The following NOL8 variants were observed in gnomAD, a reference collection of about 807,000 sequenced individuals.
NOL8 encodes the protein nucleolar protein 8, also known as nucleolar protein Nop132.
In NOL8, 93 loss-of-function variants were observed where a neutral mutation model predicts 116.1. The ratio of observed to expected loss-of-function variants is 0.80; its 90% CI spans 0.68 to 0.95. NOL8 has a LOEUF of 0.95. Among genes scored for constraint, NOL8 ranks in the 40% least tolerant of loss-of-function variants. NOL8 has a pLI of 0.00. For synonymous variants in NOL8, 419 were observed against 469.0 expected, an observed-to-expected ratio of 0.89 and a Z score of 1.38; for missense variants, 1,291 against 1,382.8, an observed-to-expected ratio of 0.93 and a Z score of 1.05.
At chr9:92,302,452 T>C (rs867446652) in intron 12 of NOL8, among the ~76,000 whole-genome samples, 3 of 152,232 alleles carry the variant, frequency 2.0e-5, no homozygotes, top group South Asian at 2.1e-4. Flanking sequence ...AAGTTTGTAA[T>C]GTACTACGTA....
intron 7 of NOL8, among the ~76,000 whole-genome samples, chr9:92,311,960 C>G (rs1054265167): frequency 6.6e-6 from 1 of 152,170 alleles, no homozygotes; most frequent in Non-Finnish European, 1.5e-5. Context: ...AGATGCCCAT[C>G]AATGGTGGAC....
chr9:92,314,959 A>AG lies in NOL8; in HGVS notation c.1665dup (p.Cys556LeufsTer26). 6.2e-7 allele frequency: 1 copy of AG among 1,613,986 alleles called. No individual in the cohort carries two copies. The highest frequency in any genetic ancestry group is 8.5e-7 in the Non-Finnish European group (1 of 1,179,880). ...TTTTCCTTTGGTTTCTGTTTGCCACAGGTGTTCTCCTCTCCTTCTAACAGG... is the reference window on the plus strand; with the variant it reads ...TTTTCCTTTGGTTTCTGTTTGCCACAGGGTGTTCTCCTCTCCTTCTAACAGG... On this transcript the variant is annotated frameshift_variant, in exon 7 of 17. Coordinates refer to ENST00000442668, the MANE Select transcript of NOL8 (RefSeq NM_017948.6). LOFTEE classifies it high-confidence loss of function.
In NOL8 at chr9:92,318,882, T is replaced by C. The variant is rs1218201449; in HGVS notation, c.418-196A>G. The stretch of plus-strand genomic sequence containing the variant: ...AAAAAAAAGGAAGATTTGGAGCAGC[T>C]ATCAATCCCAAGTAAACCGTGTAAG... On this transcript the variant is annotated intron_variant, in intron 5 of 16. Transcript: ENST00000442668. 20 of 555,714 alleles carry C rather than the reference T, an allele frequency of 3.6e-5. No individual in the cohort carries two copies. The Admixed American group carries it at 7.5e-4, about 21-fold the overall frequency. 34.4% of individuals were successfully genotyped at this position (555,714 alleles called of 1,614,324 possible). A position where few individuals can be genotyped will look rare whatever the true frequency, so the allele number is the denominator to read the frequency against.
intron 10 of NOL8, among the ~76,000 whole-genome samples, chr9:92,308,442 A>C (rs59203890): frequency 0.031 from 4,656 of 152,312 alleles, 255 homozygotes; most frequent in African/African-American, 0.11. Flanking sequence ...CCATCAACGC[A>C]GAAAGGTTAA....
rs1381915412 is a variant in NOL8, at chr9:92,315,278, A to G, written c.1347T>C (p.Ser449=). The G allele has an allele frequency of 6.2e-7, 1 of 1,613,974 alleles. No homozygotes were observed. The highest frequency in any genetic ancestry group is 1.7e-5 in the Admixed American group (1 of 60,022). ...SHGLKSLNRK[S]PSHSSSSEDA... ...CTTCACTGCTACTGGAGTGAGAGGG[A>G]GATTTACGATTAAGAGACTTTAATC... is the stretch of plus-strand genomic sequence containing the variant. Residue 449 remains serine, a synonymous_variant, in exon 7 of 17, where the codon TCT becomes TCC. Coordinates refer to ENST00000442668, the MANE Select transcript of NOL8 (RefSeq NM_017948.6).
chr9:92,315,938 G>A lies in NOL8; in HGVS notation c.687C>T (p.Ser229=), dbSNP rs1414837232. ...TTGTACTCATGGCCAGAGACCCAGT[G>A]GAACTCTCATCCTTCTGCACTTTTA... is the stretch of plus-strand genomic sequence containing the variant. ...KIIKVQKDES[S]TGSLAMSTRP... The change falls in exon 7 of 17, where the codon TCC becomes TCT. Residue 229 remains serine (S), a synonymous_variant. Coordinates refer to ENST00000442668, the MANE Select transcript of NOL8 (RefSeq NM_017948.6). 1.2e-6 allele frequency: 2 copies of A among 1,613,752 alleles called. No individual in the cohort carries two copies. The highest frequency in any genetic ancestry group is 1.7e-6 in the Non-Finnish European group (2 of 1,179,884).
chr9:92,311,622 G>C (rs976560889), intron 7 of NOL8, among the ~76,000 whole-genome samples: 4 of 152,168 alleles, frequency 2.6e-5, no homozygotes, highest in African/African-American at 9.7e-5. Flanking sequence ...CTGATCATTA[G>C]AGGAATGCAA....
chr9:92,306,797 A>G (rs982591011), intron 11 of NOL8, 89 bp downstream of exon 11: 3 of 1,315,834 alleles, frequency 2.3e-6, no homozygotes, highest in Non-Finnish European at 2.1e-6. Flanking sequence ...TCCCCAGGCC[A>G]TTAAAAGAGA....
At chr9:92,313,363 G>C (rs141494074) in intron 7 of NOL8, among the ~76,000 whole-genome samples, 1 of 152,270 alleles carries the variant, frequency 6.6e-6, no homozygotes, top group Non-Finnish European at 1.5e-5. Flanking sequence ...AAAGGCCAGA[G>C]TAAATATGTT....
At chr9:92,314,178 A>G in intron 7 of NOL8, 89 bp downstream of exon 7, 1 of 1,424,258 alleles carries the variant, frequency 7.0e-7, no homozygotes, top group Non-Finnish European at 9.2e-7. Flanking sequence ...CAAGACAATC[A>G]GCTCTATGGG....
In NOL8 at chr9:92,315,080, G is replaced by T. The variant is rs780285323; in HGVS notation, c.1545C>A (p.Thr515=). Reference sequence around the variant, plus strand: ...TGGAGCCTCTGTCAAACTTGCATTGGGTGGTGGTTTCTGGTCCATCACTCT... The same window carrying T: ...TGGAGCCTCTGTCAAACTTGCATTGTGTGGTGGTTTCTGGTCCATCACTCT... ...DTKSDGPETT[T]QCKFDRGSKS... is the part of the protein sequence containing the mutation. Residue 515 remains threonine, a synonymous_variant, in exon 7 of 17, where the codon ACC becomes ACA. Coordinates refer to ENST00000442668, the MANE Select transcript of NOL8 (RefSeq NM_017948.6). 3 of 1,613,908 alleles carry T rather than the reference G, an allele frequency of 1.9e-6. No homozygotes were observed. Among genetic ancestry groups the T allele is most frequent in the African/African-American group, 1.3e-5 (1 of 74,924 alleles).
rs1840227934 is a variant in NOL8, at chr9:92,324,218, A to C, written c.-48-9T>G. 1 of 1,549,502 alleles carries C rather than the reference A, an allele frequency of 6.5e-7. No individual in the cohort carries two copies. Among genetic ancestry groups the C allele is most frequent in the African/African-American group, 1.4e-5 (1 of 72,814 alleles). ...GTGGGAAAAGTAATTTTCTGTATAC[A>C]GAGAAGAGTTCTTTCCCTTAGTTCT... On this transcript the variant is annotated splice_polypyrimidine_tract_variant and intron_variant, in intron 1 of 16. Transcript: ENST00000442668.
At chr9:92,297,917 A>G in intron 16 of NOL8, 31 bp from the exon 17 acceptor site, 1 of 1,523,632 alleles carries the variant, frequency 6.6e-7, no homozygotes, top group Non-Finnish European at 8.9e-7. Flanking sequence ...GGTTAGCAAT[A>G]AACAAATTGT....
intron 16 of NOL8, 64 bp downstream of exon 16, chr9:92,298,193 G>T: frequency 1.6e-6 from 2 of 1,246,700 alleles, no homozygotes; most frequent in South Asian, 1.3e-5. Flanking sequence ...TCCCTTCCAG[G>T]ACTGTAATTC....
chr9:92,316,169 A>T (rs1839391230), intron 6 of NOL8, 31 bp from the exon 7 acceptor site: 1 of 1,576,714 alleles, frequency 6.3e-7, no homozygotes, highest in Non-Finnish European at 8.6e-7. Flanking sequence ...AAACTAAAGC[A>T]CTTGGTTTTA....
At chr9:92,324,284 G>T in intron 1 of NOL8, 75 bp from the exon 2 acceptor site, 2 of 1,127,248 alleles carry the variant, frequency 1.8e-6, no homozygotes, top group Non-Finnish European at 2.5e-6. Flanking sequence ...TGAACCTTCT[G>T]TATCAAATCC....
intron 6 of NOL8, among the ~76,000 whole-genome samples, chr9:92,317,392 C>T (rs1839507235): frequency 6.6e-6 from 1 of 152,216 alleles, no homozygotes; most frequent in Admixed American, 6.5e-5. Context: ...CAGCAGCTGC[C>T]ATTGGTGGAA....
intron 8 of NOL8, 102 bp downstream of exon 8, chr9:92,311,044 A>C (rs976136891): frequency 1.1e-6 from 1 of 908,196 alleles, no homozygotes; most frequent in Non-Finnish European, 1.7e-6. Context: ...CCTGGGTCTC[A>C]TTGGGGCTCT....
chr9:92,298,951 T>G lies in NOL8; in HGVS notation c.3306A>C (p.Glu1102Asp). 1.3e-6 allele frequency: 2 copies of G among 1,516,080 alleles called. No homozygotes were observed. Among genetic ancestry groups the G allele is most frequent in the Non-Finnish European group, 1.8e-6 (2 of 1,125,378 alleles). The allele number at this position is 1,516,080 out of a possible 1,614,324, so 93.9% of individuals were successfully genotyped here. A position where few individuals can be genotyped will look rare whatever the true frequency, so the allele number is the denominator to read the frequency against. ...TGGTCTCTTTCTCAAGTAATGATGCTTCTCTGAAAAGAAAGGGACAAAGGA... is the reference window on the plus strand; with the variant it reads ...TGGTCTCTTTCTCAAGTAATGATGCGTCTCTGAAAAGAAAGGGACAAAGGA... ...ETDHRNSSPG[E>D]ASLLEKETTR... The change falls in exon 15 of 17, where the codon GAA becomes GAC. Residue 1102 changes from glutamate (E) to aspartate (D), a missense_variant. By Grantham distance (45) the Glu-to-Asp change is conservative. Transcript: ENST00000442668.
Sources: allele counts gnomAD v4.1 joint callset (sites outside exome capture counted in the v4.1 genomes callset), GRCh38; gene constraint gnomAD v4.1.1; transcripts MANE v1.5; gene names NCBI Gene and HGNC (gene_info 2026-07-23, HGNC 2026-07-21).